The following ZNF469 variants were observed in gnomAD, a reference collection of about 807,000 sequenced individuals.
ZNF469 encodes zinc finger protein 469.
Under a neutral mutation model 1.0 loss-of-function variants are expected in ZNF469, and 1 was observed. The ratio of observed to expected loss-of-function variants is 1.00; its 90% CI spans 0.35 to 4.73. ZNF469 has a LOEUF of 4.73. ZNF469 is among the 30% of genes most tolerant of loss of function. The pLI is 0.16. For missense variants in ZNF469, 6,100 were observed against 5,356.3 expected, an observed-to-expected ratio of 1.14 and a Z score of -4.33; for synonymous variants, 2,703 against 2,363.4, an observed-to-expected ratio of 1.14 and a Z score of -4.17.
At chr16:88,287,404 C>T in the ZNF469 span, among the ~76,000 whole-genome samples, 3 of 152,224 alleles carry the variant, frequency 2.0e-5, no homozygotes, top group Non-Finnish European at 4.4e-5. Context: ...TGGTTGTGTA[C>T]AACCGCACCA....
intron 1 of ZNF469, among the ~76,000 whole-genome samples, 37 bp downstream of exon 1, chr16:88,383,291 C>T (rs990107299): frequency 2.0e-5 from 3 of 147,204 alleles, no homozygotes; most frequent in African/African-American, 7.3e-5. Flanking sequence ...CGCGCGGTGC[C>T]TGGGGACCCC....
At chr16:88,352,399 C>T in the ZNF469 span, among the ~76,000 whole-genome samples, 1 of 152,240 alleles carries the variant, frequency 6.6e-6, no homozygotes, top group Non-Finnish European at 1.5e-5. Flanking sequence ...AAACCAATAA[C>T]AGAGCCAGGG....
chr16:88,364,690 G>A, the ZNF469 span, among the ~76,000 whole-genome samples: 8 of 152,104 alleles, frequency 5.3e-5, no homozygotes, highest in South Asian at 2.1e-4. Context: ...TAGACTGGGC[G>A]CAGTGAGTCA....
the ZNF469 span, among the ~76,000 whole-genome samples, chr16:88,312,410 C>T: frequency 6.6e-6 from 1 of 152,206 alleles, no homozygotes; most frequent in Non-Finnish European, 1.5e-5. Flanking sequence ...TGGTCTGTAA[C>T]TTACTCTTTT....
chr16:88,267,098 G>A, the ZNF469 span, among the ~76,000 whole-genome samples: 1,374 of 152,334 alleles, frequency 9.0e-3, 14 homozygotes, highest in Admixed American at 0.012. Flanking sequence ...CACTCTATCT[G>A]CCTTCTCCCT....
the ZNF469 span, among the ~76,000 whole-genome samples, chr16:88,185,570 T>C: frequency 6.6e-6 from 1 of 151,930 alleles, no homozygotes; most frequent in Non-Finnish European, 1.5e-5. Context: ...CACACGTGAA[T>C]ATAGTACTCG....
the ZNF469 span, among the ~76,000 whole-genome samples, chr16:88,355,773 G>C: frequency 6.6e-6 from 1 of 152,226 alleles, no homozygotes; most frequent in South Asian, 2.1e-4. Context: ...CTGCAGAACT[G>C]TGAGCGGGGC....
rs1360629642 is a variant in ZNF469 at position 88,435,227 on chromosome 16, A to C, written c.7757A>C (p.Lys2586Thr). 4.5e-6 allele frequency: 7 copies of C among 1,550,398 alleles called. No individual in the cohort carries two copies. The South Asian group carries it at 8.3e-5, about 18-fold the overall frequency. ...PSPTEHEVDVKTPASKPRPDQ... is the reference protein window; with the variant it reads ...PSPTEHEVDVTTPASKPRPDQ... Reference sequence around the variant, plus strand: ...CCTACTGAGCATGAGGTAGATGTGAAGACTCCGGCCTCCAAGCCCAGACCA... The same window carrying C: ...CCTACTGAGCATGAGGTAGATGTGACGACTCCGGCCTCCAAGCCCAGACCA... Residue 2586 changes from lysine (K) to threonine (T), a missense_variant, in exon 3 of 3, where the codon AAG (lysine) becomes ACG (threonine). Lys to Thr is a moderately conservative substitution (Grantham distance 78, BLOSUM62 -1). Transcript: ENST00000565624.
chr16:88,156,909 T>C, the ZNF469 span, among the ~76,000 whole-genome samples: 1 of 152,172 alleles, frequency 6.6e-6, no homozygotes, highest in East Asian at 1.9e-4. Context: ...AATTACTCTG[T>C]CTTTTCACAG....
At chr16:88,330,332 C>G in the ZNF469 span, among the ~76,000 whole-genome samples, 1 of 152,228 alleles carries the variant, frequency 6.6e-6, no homozygotes, top group African/African-American at 2.4e-5. Flanking sequence ...CGGATACGGT[C>G]CTGGAAGTGG....
chr16:88,405,206 G>A (rs1904993576), intron 1 of ZNF469, among the ~76,000 whole-genome samples: 1 of 152,204 alleles, frequency 6.6e-6, no homozygotes, highest in Non-Finnish European at 1.5e-5. Context: ...CTAGAAAGGA[G>A]GATGAGGAGA....
chr16:88,154,902 A>G, the ZNF469 span, among the ~76,000 whole-genome samples: 49 of 152,254 alleles, frequency 3.2e-4, no homozygotes, highest in African/African-American at 1.1e-3. Context: ...GATGTGACTC[A>G]TCTACATCCA....
chr16:88,213,698 C>T, the ZNF469 span, among the ~76,000 whole-genome samples: 1 of 152,190 alleles, frequency 6.6e-6, no homozygotes, highest in Non-Finnish European at 1.5e-5. Flanking sequence ...TCCTCACTCT[C>T]GTGTGTCCTT....
At chr16:88,206,153 T>A in the ZNF469 span, among the ~76,000 whole-genome samples, 1 of 152,200 alleles carries the variant, frequency 6.6e-6, no homozygotes, top group East Asian at 1.9e-4. Context: ...AGCTGAGCTG[T>A]GCCCGGAGAC....
At chr16:88,182,445 T>G in the ZNF469 span, among the ~76,000 whole-genome samples, 3 of 152,184 alleles carry the variant, frequency 2.0e-5, no homozygotes, top group Non-Finnish European at 4.4e-5. Flanking sequence ...GAGAAAATCT[T>G]CCAAATCTTC....
intron 1 of ZNF469, among the ~76,000 whole-genome samples, chr16:88,414,413 C>T (rs555596186): frequency 6.6e-6 from 1 of 152,248 alleles, no homozygotes; most frequent in Non-Finnish European, 1.5e-5. Flanking sequence ...TCGTTACCTC[C>T]ACCCCAAAGA....
chr16:88,183,224 G>T, the ZNF469 span, among the ~76,000 whole-genome samples: 3 of 152,216 alleles, frequency 2.0e-5, no homozygotes, highest in African/African-American at 7.2e-5. Flanking sequence ...GCTGGCGGGG[G>T]TGGAAAACGG....
At chr16:88,110,540 G>A in the ZNF469 span, among the ~76,000 whole-genome samples, 1 of 152,374 alleles carries the variant, frequency 6.6e-6, no homozygotes, top group South Asian at 2.1e-4. Context: ...CATGGCGTGA[G>A]CAGCTTCCCC....
intron 1 of ZNF469, among the ~76,000 whole-genome samples, chr16:88,411,943 T>A (rs1212699514): frequency 3.7e-3 from 2 of 546 alleles, no homozygotes; most frequent in East Asian, 0.091. Context: ...GAAACCCTGA[T>A]GTTCATGGAG....
Sources: gnomAD v4.1 joint callset for allele counts (sites outside exome capture counted in the v4.1 genomes callset) on GRCh38, gnomAD v4.1.1 for gene constraint, MANE v1.5 for transcripts, NCBI Gene and HGNC (gene_info 2026-07-23, HGNC 2026-07-21) for gene names.